The following HSD11B2 variants were observed in gnomAD, a reference collection of about 807,000 sequenced individuals.
The protein encoded by HSD11B2 is 11-beta-hydroxysteroid dehydrogenase type 2.
In HSD11B2, 17 loss-of-function variants were observed where a neutral mutation model predicts 20.9. The ratio of observed to expected loss-of-function variants is 0.81; its 90% CI spans 0.56 to 1.22. The LOEUF (loss-of-function observed/expected upper bound fraction) is 1.22. HSD11B2 is among the 50% of genes most tolerant of loss of function. HSD11B2 has a pLI of 0.00. For synonymous variants in HSD11B2, 253 were observed against 255.4 expected, an observed-to-expected ratio of 0.99 and a Z score of 0.09; for missense variants, 480 against 563.6, an observed-to-expected ratio of 0.85 and a Z score of 1.50.
chr16:67,431,528 C>A lies in HSD11B2; in HGVS notation c.265+15C>A, dbSNP rs932698676. On this transcript the variant is annotated intron_variant, in intron 1 of 4. Transcript: ENST00000326152. ...GCTCATCACCGGTGAGTGCGCGGGT[C>A]GCGGAGCGCGGGGACTCCAGGCTCG... The A allele has an allele frequency of 2.9e-6, 4 of 1,359,438 alleles. No homozygotes were observed. The highest frequency in any genetic ancestry group is 3.2e-5 in the Admixed American group (1 of 31,064). The allele number at this position is 1,359,438 out of a possible 1,614,324, so 84.2% of individuals were successfully genotyped here. A position where few individuals can be genotyped will look rare whatever the true frequency, so the allele number is the denominator to read the frequency against.
Position 67,436,447 on chromosome 16 carries a change from G to A in HSD11B2, c.802+61G>A. 6.5e-7 allele frequency: 1 copy of A among 1,536,690 alleles called. No individual in the cohort carries two copies. Among genetic ancestry groups the A allele is most frequent in the Admixed American group, 1.9e-5 (1 of 51,706 alleles). On this transcript the variant is annotated intron_variant, in intron 4 of 4. Transcript: ENST00000326152. The surrounding 1 kb of genome is among the most constrained non-coding windows in gnomAD (Gnocchi z 5.7). The stretch of plus-strand genomic sequence containing the variant: ...GAATGGGGCTGGGAATGGTCTTATG[G>A]GGGCAGGTCAGGTTTGATGAATGGT...
intron 1 of HSD11B2, among the ~76,000 whole-genome samples, chr16:67,432,064 G>C (rs2040937397): frequency 6.6e-6 from 1 of 151,924 alleles, no homozygotes. Flanking sequence ...CTGTCTTTCT[G>C]TCTAGCCACC....
At chr16:67,434,934 C>G (rs1567530036) in intron 1 of HSD11B2, among the ~76,000 whole-genome samples, 1 of 151,522 alleles carries the variant, frequency 6.6e-6, no homozygotes, top group Non-Finnish European at 1.5e-5. Context: ...GAGGCTGAGG[C>G]AGGAGAATCG....
rs1175476494 is a variant in HSD11B2, at chr16:67,436,331, ACTC to A, written c.750_752del (p.Leu251del). The A allele has an allele frequency of 6.4e-7, 1 of 1,565,746 alleles. No individual in the cohort carries two copies. The highest frequency in any genetic ancestry group is 8.6e-7 in the Non-Finnish European group (1 of 1,159,416). On this transcript the variant is annotated inframe_deletion, in exon 4 of 5. Coordinates refer to ENST00000326152, the MANE Select transcript of HSD11B2 (RefSeq NM_000196.4). The surrounding 1 kb of genome is among the most constrained non-coding windows in gnomAD (Gnocchi z 5.7). ...TACTCATGGACACATTCAGCTGTGA[ACTC>A]CTTCCCTGGGGGGTCAAGGTCAGCA... is the stretch of plus-strand genomic sequence containing the variant.
chr16:67,434,979 A>C (rs954552937), intron 1 of HSD11B2, among the ~76,000 whole-genome samples: 1 of 151,474 alleles, frequency 6.6e-6, no homozygotes, highest in African/African-American at 2.4e-5. Context: ...CACTGAGCTG[A>C]GATCACGCCA....
chr16:67,434,626 C>T (rs1477379023), intron 1 of HSD11B2, among the ~76,000 whole-genome samples: 1 of 152,102 alleles, frequency 6.6e-6, no homozygotes, highest in African/African-American at 2.4e-5. Context: ...CTTGTATCTT[C>T]AATCCCAGCA....
In HSD11B2 at chr16:67,431,175, C is replaced by G. The variant is rs1567529023; in HGVS notation, c.-74C>G. ...CCGGTGTACCCCCGCACTCCGCGCCCCGGCCTAGAAGCTCTCTCTCCCCGC... is the reference window on the plus strand; with the variant it reads ...CCGGTGTACCCCCGCACTCCGCGCCGCGGCCTAGAAGCTCTCTCTCCCCGC... On this transcript the variant is annotated 5_prime_UTR_variant, in exon 1 of 5. Coordinates refer to ENST00000326152, the MANE Select transcript of HSD11B2 (RefSeq NM_000196.4). 5 of 892,064 alleles carry G rather than the reference C, an allele frequency of 5.6e-6. No individual in the cohort carries two copies. In the East Asian group the frequency reaches 2.9e-4, roughly 52 times the overall value. 55.3% of individuals were successfully genotyped at this position (892,064 alleles called of 1,614,324 possible). A position where few individuals can be genotyped will look rare whatever the true frequency, so the allele number is the denominator to read the frequency against.
In HSD11B2 at chr16:67,435,024, G is replaced by A. The variant is rs1455791742; in HGVS notation, c.266-604G>A. ...AGCCTGGGCAACAGAGTGAGACTCC[G>A]TCTCAAACAAAAAAAAAAAAAAAGA... is the stretch of plus-strand genomic sequence containing the variant. On this transcript the variant is annotated intron_variant, in intron 1 of 4. Coordinates refer to ENST00000326152, the MANE Select transcript of HSD11B2 (RefSeq NM_000196.4). Among the ~76,000 whole-genome samples the A allele has an allele frequency of 1.5e-4, 22 of 147,730 alleles. No homozygotes were observed. The South Asian group carries it at 1.7e-3, about 12-fold the overall frequency.
rs28934593 is a variant in HSD11B2, at chr16:67,436,795, G to A, written c.1010G>A (p.Arg337His). ...CTGCTGGCAGCTCGGCCCCGCCGCC[G>A]CTATTACCCCGGCCAGGGCCTGGGG... ...DALLAARPRR[R>H]YYPGQGLGLM... Residue 337 changes from arginine to histidine, a missense_variant, in exon 5 of 5, where the codon CGC (arginine) becomes CAC (histidine). Arg to His is a conservative substitution (Grantham distance 29). Around this residue, in one of 2 missense-constraint regions of HSD11B2, gnomAD observed 374 missense variants for 480.9 expected, o/e 0.78. Coordinates refer to ENST00000326152, the MANE Select transcript of HSD11B2 (RefSeq NM_000196.4). The surrounding 1 kb of genome is among the most constrained non-coding windows in gnomAD (Gnocchi z 5.7). 5.6e-6 allele frequency: 9 copies of A among 1,613,712 alleles called. No individual in the cohort carries two copies. Among genetic ancestry groups the A allele is most frequent in the African/African-American group, 2.7e-5 (2 of 74,934 alleles).
chr16:67,431,254 G>T lies in HSD11B2; in HGVS notation c.6G>T (p.Glu2Asp). Residue 2 changes from glutamate (E) to aspartate (D), a missense_variant, in exon 1 of 5, where the codon GAG (glutamate) becomes GAT (aspartate). Coordinates refer to ENST00000326152, the MANE Select transcript of HSD11B2 (RefSeq NM_000196.4). M[E>D]RWPWPSGGAW... Reference sequence around the variant, plus strand: ...CCCCAGCCCGCTGGGCCGCCATGGAGCGCTGGCCTTGGCCGTCGGGCGGCG... The same window carrying T: ...CCCCAGCCCGCTGGGCCGCCATGGATCGCTGGCCTTGGCCGTCGGGCGGCG... 1 of 1,249,158 alleles carries T rather than the reference G, an allele frequency of 8.0e-7. No individual in the cohort carries two copies. The allele number at this position is 1,249,158 out of a possible 1,614,324, so 77.4% of individuals were successfully genotyped here.
At position 67,436,417 on chromosome 16, in the gene HSD11B2, G is replaced by T; in HGVS notation, c.802+31G>T. ...AATCAGGGCTGGGGGTGGGGTGGGG[G>T]TGGGGAATGGGGCTGGGAATGGTCT... is the stretch of plus-strand genomic sequence containing the variant. On this transcript the variant is annotated intron_variant, in intron 4 of 4. Transcript: ENST00000326152. The surrounding 1 kb of genome is among the most constrained non-coding windows in gnomAD (Gnocchi z 5.7). The T allele has an allele frequency of 1.3e-6, 2 of 1,494,868 alleles. No homozygotes were observed. Among genetic ancestry groups the T allele is most frequent in the Non-Finnish European group, 1.8e-6 (2 of 1,096,986 alleles). The allele number at this position is 1,494,868 out of a possible 1,614,324, so 92.6% of individuals were successfully genotyped here. A position where few individuals can be genotyped will look rare whatever the true frequency, so the allele number is the denominator to read the frequency against.
At position 67,436,221 on chromosome 16, in the gene HSD11B2, A is replaced by G; in HGVS notation, c.665-28A>G. ...CTTAGGGAGCCCCTTGCCAAAGCTG[A>G]GCTGCCCCACTCCCAATCCATCCGC... On this transcript the variant is annotated intron_variant, in intron 3 of 4. Coordinates refer to ENST00000326152, the MANE Select transcript of HSD11B2 (RefSeq NM_000196.4). This position sits in a 1 kb window ranked among gnomAD's most constrained non-coding sequence, Gnocchi z 5.7. 6.2e-7 allele frequency: 1 copy of G among 1,613,760 alleles called. No homozygotes were observed. The highest frequency in any genetic ancestry group is 8.5e-7 in the Non-Finnish European group (1 of 1,179,958).
At chr16:67,435,105 G>A (rs150769808) in intron 1 of HSD11B2, among the ~76,000 whole-genome samples, 192 of 150,392 alleles carry the variant, frequency 1.3e-3, no homozygotes, top group African/African-American at 4.4e-3. Context: ...TCAGGAGACC[G>A]AGGAGGAAGG....
At chr16:67,435,405 C>T (rs903623301) in intron 1 of HSD11B2, 25 of 641,148 alleles carry the variant, frequency 3.9e-5, no homozygotes, top group African/African-American at 1.6e-4. Flanking sequence ...GGGGTAGCCA[C>T]GGGGAGTCAG....
chr16:67,436,180 C>T lies in HSD11B2; in HGVS notation c.664+38C>T, dbSNP rs780772249. Reference sequence around the variant, plus strand: ...CCCCACTGGAGCAAAAAGGAGCCCCCTGGGGTGGGGGAGGGCTTAGGGAGC... The same window carrying T: ...CCCCACTGGAGCAAAAAGGAGCCCCTTGGGGTGGGGGAGGGCTTAGGGAGC... On this transcript the variant is annotated intron_variant, in intron 3 of 4. Coordinates refer to ENST00000326152, the MANE Select transcript of HSD11B2 (RefSeq NM_000196.4). The surrounding 1 kb of genome is among the most constrained non-coding windows in gnomAD (Gnocchi z 5.7). 10 of 1,613,640 alleles carry T rather than the reference C, an allele frequency of 6.2e-6. No homozygotes were observed. Among genetic ancestry groups the T allele is most frequent in the South Asian group, 1.1e-5 (1 of 91,076 alleles).
upstream of HSD11B2, among the ~76,000 whole-genome samples, chr16:67,429,932 G>A (rs917600411): frequency 5.3e-5 from 8 of 152,156 alleles, no homozygotes; most frequent in African/African-American, 1.9e-4. Context: ...AGTGTGACAG[G>A]GAGTCCACAA....
chr16:67,435,739 C>T lies in HSD11B2; in HGVS notation c.377C>T (p.Thr126Ile). ...LNSPGAIELR[T>I]CCSPRLRLLQ... ...AGCCCCGGTGCCATCGAGCTGCGTA[C>T]CTGCTGCTCCCCTCGCCTAAGGCTG... is the stretch of plus-strand genomic sequence containing the variant. The change falls in exon 2 of 5, where the codon ACC becomes ATC. Residue 126 changes from threonine (T) to isoleucine (I), a missense_variant. This residue lies in a region of HSD11B2 where 374 missense variants were observed against 480.9 expected (regional missense o/e 0.78). Transcript: ENST00000326152. 6.2e-7 allele frequency: 1 copy of T among 1,614,026 alleles called. No homozygotes were observed. The highest frequency in any genetic ancestry group is 1.1e-5 in the South Asian group (1 of 91,086).
chr16:67,437,375 C>G lies in HSD11B2; in HGVS notation c.*372C>G, dbSNP rs921478436. The stretch of plus-strand genomic sequence containing the variant: ...TGACTAGGTGGGTTGGGGACCCCCT[C>G]AGGATTGTTTCTCGGCACCAGTGCC... On this transcript the variant is annotated 3_prime_UTR_variant, in exon 5 of 5. Transcript: ENST00000326152. 5.9e-6 allele frequency: 2 copies of G among 340,834 alleles called. No individual in the cohort carries two copies. The highest frequency in any genetic ancestry group is 5.5e-6 in the Non-Finnish European group (1 of 183,228). 21.1% of individuals were successfully genotyped at this position (340,834 alleles called of 1,614,324 possible). A position where few individuals can be genotyped will look rare whatever the true frequency, so the allele number is the denominator to read the frequency against.
intron 1 of HSD11B2, chr16:67,432,733 G>C (rs2040942521): frequency 6.6e-6 from 1 of 152,412 alleles, no homozygotes. Context: ...GCAGAGTAGG[G>C]GGGAAGGAGG....
Sources: allele counts gnomAD v4.1 joint callset (sites outside exome capture counted in the v4.1 genomes callset), GRCh38; gene constraint gnomAD v4.1.1; regional missense constraint gnomAD v4.1.1; non-coding constraint Gnocchi (gnomAD v3.1); transcripts MANE v1.5; gene names NCBI Gene and HGNC (gene_info 2026-07-23, HGNC 2026-07-21).